Variants in CCDC30 observed in about 807,000 individuals in gnomAD.
CCDC30 encodes coiled-coil domain containing 30.
In CCDC30, 70 loss-of-function variants were observed where a neutral mutation model predicts 100.2. That is an observed-to-expected ratio of 0.70 (90% CI 0.58 to 0.85). The LOEUF (loss-of-function observed/expected upper bound fraction) is 0.85, where lower values mean the gene tolerates loss of function less well. Among genes scored for constraint, CCDC30 ranks in the 40% least tolerant of loss-of-function variants. The probability of loss-of-function intolerance (pLI) is 0.00; values close to 1 mark genes in which losing one functional copy is unlikely to be tolerated. For synonymous variants in CCDC30, 233 were observed against 269.5 expected (o/e 0.86, Z 1.33); for missense variants, 652 against 771.2 (o/e 0.85, Z 1.83).
At chr1:42,457,060 A>G in the CCDC30 span, 3 of 1,597,086 alleles carry the variant, frequency 1.9e-6, no homozygotes, top group South Asian at 1.1e-5. Context: ...CGGCCCAGGC[A>G]CTCAATCCGC....
At chr1:42,457,723 A>T in the CCDC30 span, among the ~76,000 whole-genome samples, 1 of 151,852 alleles carries the variant, frequency 6.6e-6, no homozygotes, top group Non-Finnish European at 1.5e-5. Flanking sequence ...GAGGCCAAGG[A>T]GGGCAGATCG....
intron 4 of CCDC30, among the ~76,000 whole-genome samples, chr1:42,493,053 T>G (rs1475745593): frequency 6.6e-6 from 1 of 152,208 alleles, no homozygotes; most frequent in Non-Finnish European, 1.5e-5. Flanking sequence ...TCATCATTTC[T>G]GTGACATAGC....
chr1:42,637,568 G>T (rs1042056104), intron 12 of CCDC30, among the ~76,000 whole-genome samples, 190 bp downstream of exon 16: 1 of 152,180 alleles, frequency 6.6e-6, no homozygotes, highest in African/African-American at 2.4e-5. Context: ...TCCTAGTGCT[G>T]CTACACGGAA....
Position 42,538,619 on chromosome 1 carries a change from A to AT in CCDC30, c.457-27669dup, listed in dbSNP as rs935106898. Among the ~76,000 whole-genome samples the AT allele has an allele frequency of 2.4e-4, 37 of 152,130 alleles. No individual in the cohort carries two copies. In the Middle Eastern group the frequency reaches 0.014, roughly 56 times the overall value. On this transcript the variant is annotated intron_variant, in intron 6 of 16. Transcript: ENST00000668663. ...AGACCGCATCAATATAAATAAATAA[A>AT]TTTTTTTTAAAAAACCACAGAGTTT...
chr1:42,540,854 A>G (rs1385015742), intron 6 of CCDC30, among the ~76,000 whole-genome samples: 1 of 152,214 alleles, frequency 6.6e-6, no homozygotes. Flanking sequence ...TCTAATCTAT[A>G]GCTCGTATTC....
intron 1 of CCDC30, among the ~76,000 whole-genome samples, chr1:42,471,335 C>T (rs1643764099): frequency 6.6e-6 from 1 of 152,192 alleles, no homozygotes; most frequent in African/African-American, 2.4e-5. Flanking sequence ...GTTGGGCAAG[C>T]AACCCACAGT....
intron 1 of CCDC30, among the ~76,000 whole-genome samples, chr1:42,464,425 A>G (rs2148428113): frequency 6.6e-6 from 1 of 152,244 alleles, no homozygotes; most frequent in South Asian, 2.1e-4. Context: ...GCCCATATGA[A>G]CCCAACACTG....
At chr1:42,654,255 T>C, downstream of CCDC30, 1 of 494,864 alleles carries the variant, frequency 2.0e-6, no homozygotes. Flanking sequence ...TTTAGTTCAA[T>C]GATTTATTTA....
intron 6 of CCDC30, among the ~76,000 whole-genome samples, chr1:42,552,024 C>G (rs1038361772): frequency 5.3e-5 from 8 of 152,064 alleles, no homozygotes; most frequent in Non-Finnish European, 1.0e-4. Flanking sequence ...CTTTGGCCTC[C>G]CAAAGTGCTG....
At chr1:42,528,362 CAT>C (rs1320691914) in intron 6 of CCDC30, among the ~76,000 whole-genome samples, 6 of 152,174 alleles carry the variant, frequency 3.9e-5, no homozygotes, top group Non-Finnish European at 7.3e-5. Context: ...CTCTGTCATT[CAT>C]ATATCCGTGT....
intron 1 of CCDC30, among the ~76,000 whole-genome samples, chr1:42,471,829 A>G (rs1643779368): frequency 6.6e-6 from 1 of 152,216 alleles, no homozygotes; most frequent in African/African-American, 2.4e-5. Flanking sequence ...TTGATGTGGA[A>G]ATGGTAAGAC....
chr1:42,512,663 G>A (rs1644496251), intron 6 of CCDC30, among the ~76,000 whole-genome samples: 1 of 152,034 alleles, frequency 6.6e-6, no homozygotes, highest in Non-Finnish European at 1.5e-5. Context: ...GATCCTTTTT[G>A]CCAACACCCA....
At chr1:42,482,857 A>C (rs1176174266) in intron 3 of CCDC30, 41 bp downstream of exon 3, 12 of 1,199,804 alleles carry the variant, frequency 1.0e-5, no homozygotes, top group Non-Finnish European at 1.3e-5. Context: ...ATCATGCTTT[A>C]ACTGTACTGA....
chr1:42,551,599 T>C (rs1053213351), intron 6 of CCDC30, among the ~76,000 whole-genome samples: 1 of 152,138 alleles, frequency 6.6e-6, no homozygotes, highest in Non-Finnish European at 1.5e-5. Context: ...ACAACTTTAA[T>C]GCAATACATA....
At chr1:42,457,620 A>T in the CCDC30 span, 1 of 467,184 alleles carries the variant, frequency 2.1e-6, no homozygotes, top group Non-Finnish European at 3.9e-6. Flanking sequence ...GGGGGAGTCG[A>T]TGAAGCTTCT....
chr1:42,642,659 C>T (rs1469730481), intron 13 of CCDC30, 50 bp downstream of exon 17: 1 of 1,424,196 alleles, frequency 7.0e-7, no homozygotes, highest in African/African-American at 1.4e-5. Context: ...GAGGATGTTT[C>T]TCCCTCAACA....
At chr1:42,642,517 G>A (rs12036818) in exon 13 of CCDC30, 177,820 of 1,597,820 alleles carry the variant, frequency 0.11, 11,656 homozygotes, top group East Asian at 0.27. Context: ...ATGATACCCT[G>A]CTTCTAGAAA....
At chr1:42,491,530 G>GTATTTGAT (rs1368871238) in intron 4 of CCDC30, among the ~76,000 whole-genome samples, 1 of 151,382 alleles carries the variant, frequency 6.6e-6, no homozygotes, top group Non-Finnish European at 1.5e-5. Flanking sequence ...GAAAGAATAA[G>GTATTTGAT]ACCTAGTATT....
chr1:42,520,978 CTTTTTT>C (rs35261350), intron 6 of CCDC30, among the ~76,000 whole-genome samples: 1 of 133,284 alleles, frequency 7.5e-6, no homozygotes, highest in Non-Finnish European at 1.6e-5. Context: ...TTTCTTTTTT[CTTTTTT>C]TTTTTTTGAG....
Sources: allele counts gnomAD v4.1 joint callset (sites outside exome capture counted in the v4.1 genomes callset), GRCh38; gene constraint gnomAD v4.1.1; transcripts MANE v1.5; gene names NCBI Gene and HGNC (gene_info 2026-07-23, HGNC 2026-07-21).